The following PTPRD variants were observed in gnomAD, a reference collection of about 807,000 sequenced individuals.
PTPRD encodes the protein protein tyrosine phosphatase receptor type D, also known as receptor-type tyrosine-protein phosphatase delta.
A neutral mutation model predicts 214.5 loss-of-function variants in PTPRD; 34 were observed. The observed-to-expected ratio is 0.16, with a 90% CI of 0.12 to 0.21. The LOEUF (loss-of-function observed/expected upper bound fraction) is 0.21. Among genes scored for constraint, PTPRD ranks in the 10% least tolerant of loss-of-function variants. The pLI, the probability that PTPRD is intolerant of heterozygous loss-of-function variation, is 1.00. For synonymous variants in PTPRD, 1,128 were observed against 845.7 expected (o/e 1.33, Z -5.79); for missense variants, 2,545 against 2,398.7 (o/e 1.06, Z -1.27).
chr9:8,930,526 G>C (rs574712037), intron 11 of PTPRD, among the ~76,000 whole-genome samples: 1 of 152,064 alleles, frequency 6.6e-6, no homozygotes, highest in Non-Finnish European at 1.5e-5. Flanking sequence ...AGATCCCGGA[G>C]GAATCGCCAC....
intron 11 of PTPRD, among the ~76,000 whole-genome samples, chr9:8,911,934 C>T (rs2154261750): frequency 6.6e-6 from 1 of 152,070 alleles, no homozygotes; most frequent in Non-Finnish European, 1.5e-5. Flanking sequence ...TAGATAAATG[C>T]CCATTAAAAC....
intron 8 of PTPRD, among the ~76,000 whole-genome samples, chr9:9,468,962 G>T (rs995345399): frequency 6.6e-6 from 1 of 151,924 alleles, no homozygotes; most frequent in Non-Finnish European, 1.5e-5. Context: ...AATCTCACAG[G>T]GAAACTGTAC....
intron 3 of PTPRD, among the ~76,000 whole-genome samples, chr9:10,303,341 A>C (rs1374168227): frequency 6.6e-6 from 1 of 152,212 alleles, no homozygotes; most frequent in Non-Finnish European, 1.5e-5. Context: ...TAACATCACA[A>C]TTAAAAGAAC....
rs33977592 is a variant in PTPRD, at chr9:10,384,074, C to CAAAA, written c.-599-43061_-599-43058dup. On this transcript the variant is annotated intron_variant, in intron 2 of 45. Coordinates refer to ENST00000381196, the MANE Select transcript of PTPRD (RefSeq NM_002839.4). ...AGGAGGTGGGGATGGTTAATGGGTA[C>CAAAA]AAAAAAAAAAAAAAATAGAAAAAGA... 9.6e-3 allele frequency among the ~76,000 whole-genome samples: 1,005 copies of CAAAA among 104,670 alleles called. 11 individuals carry two copies. The highest frequency in any genetic ancestry group is 0.027 in the African/African-American group (834 of 31,270). 68.7% of individuals were successfully genotyped at this position (104,670 alleles called of 152,430 possible).
intron 2 of PTPRD, among the ~76,000 whole-genome samples, chr9:10,397,735 A>G (rs752508691): frequency 9.9e-5 from 15 of 152,016 alleles, no homozygotes; most frequent in Non-Finnish European, 2.2e-4. Context: ...ATAGGCTTCT[A>G]GAGTGAAACC....
At chr9:10,385,901 AT>A (rs773293754) in intron 2 of PTPRD, among the ~76,000 whole-genome samples, 1 of 151,834 alleles carries the variant, frequency 6.6e-6, no homozygotes, top group Non-Finnish European at 1.5e-5. Flanking sequence ...AGATAATTAT[AT>A]TTTTTACACA....
At chr9:10,416,529 G>C (rs1469023737) in intron 2 of PTPRD, among the ~76,000 whole-genome samples, 1 of 151,840 alleles carries the variant, frequency 6.6e-6, no homozygotes, top group Non-Finnish European at 1.5e-5. Flanking sequence ...GGAAAATAAA[G>C]CATGTGTTAC....
chr9:8,644,361 A>G lies in PTPRD; in HGVS notation c.65-7517T>C, dbSNP rs551399229. On this transcript the variant is annotated intron_variant, in intron 12 of 45. Transcript: ENST00000381196. ...TCTCCTCTGAGCTTTCCTATTGCTC[A>G]ATAAAGCTCTTCTTCGTCTTGCTCA... 2.0e-5 allele frequency among the ~76,000 whole-genome samples: 3 copies of G among 152,294 alleles called. No homozygotes were observed. In the South Asian group the frequency reaches 6.2e-4, roughly 32 times the overall value.
chr9:9,061,751 G>C (rs1342566085), intron 10 of PTPRD, among the ~76,000 whole-genome samples: 4 of 152,032 alleles, frequency 2.6e-5, no homozygotes, highest in Non-Finnish European at 5.9e-5. Flanking sequence ...CCTACCGAGG[G>C]CCTTGGGACC....
chr9:9,770,819 T>G (rs1314299029), intron 5 of PTPRD, among the ~76,000 whole-genome samples: 2 of 152,134 alleles, frequency 1.3e-5, no homozygotes, highest in Non-Finnish European at 2.9e-5. Context: ...AGAAGTATAT[T>G]GATGAAATGA....
chr9:8,673,886 G>C (rs991515441), intron 12 of PTPRD, among the ~76,000 whole-genome samples: 7 of 152,050 alleles, frequency 4.6e-5, no homozygotes, highest in Non-Finnish European at 8.8e-5. Flanking sequence ...AGGATGTTCA[G>C]CAGCACCCCT....
At chr9:8,917,329 C>A (rs557531727) in intron 11 of PTPRD, among the ~76,000 whole-genome samples, 1 of 150,068 alleles carries the variant, frequency 6.7e-6, no homozygotes, top group Non-Finnish European at 1.5e-5. Context: ...GTTGAGACAG[C>A]GTTTCACCAT....
chr9:8,328,194 C>G (rs1835950431), intron 44 of PTPRD, among the ~76,000 whole-genome samples: 1 of 152,138 alleles, frequency 6.6e-6, no homozygotes, highest in African/African-American at 2.4e-5. Context: ...CCTTCAGGAG[C>G]TCTTGTAAGG....
intron 5 of PTPRD, among the ~76,000 whole-genome samples, chr9:9,821,219 G>T (rs2050610831): frequency 6.6e-6 from 1 of 152,112 alleles, no homozygotes; most frequent in African/African-American, 2.4e-5. Context: ...CAACTTGAAG[G>T]TTATTAGTGT....
intron 3 of PTPRD, among the ~76,000 whole-genome samples, chr9:10,196,114 T>C (rs1312150015): frequency 1.3e-5 from 2 of 152,194 alleles, no homozygotes; most frequent in Admixed American, 1.3e-4. Flanking sequence ...TATGAGACTA[T>C]ATACACTTAT....
chr9:9,968,635 T>C (rs2094876869), intron 4 of PTPRD, among the ~76,000 whole-genome samples: 1 of 152,112 alleles, frequency 6.6e-6, no homozygotes, highest in Admixed American at 6.5e-5. Flanking sequence ...GTAGGCTTCC[T>C]GATCAAGTTG....
Position 9,282,476 on chromosome 9 carries a change from T to C in PTPRD, c.-202-99113A>G, listed in dbSNP as rs564914036. On this transcript the variant is annotated intron_variant, in intron 9 of 45. Transcript: ENST00000381196. ...ATTCTATTGGATGCTAAATCTTGAA[T>C]ATTAGGAAAAATTCAGATGGTTTTA... is the stretch of plus-strand genomic sequence containing the variant. 4.1e-4 allele frequency among the ~76,000 whole-genome samples: 62 copies of C among 151,550 alleles called. 1 individual carries two copies. The South Asian group carries it at 0.012, about 29-fold the overall frequency.
intron 10 of PTPRD, among the ~76,000 whole-genome samples, chr9:9,158,917 A>G (rs113949614): frequency 1.3e-5 from 2 of 152,240 alleles, no homozygotes; most frequent in Non-Finnish European, 2.9e-5. Flanking sequence ...ATGCAAATCA[A>G]TAAATCTGAT....
chr9:10,163,129 T>G (rs2099139281), intron 3 of PTPRD, among the ~76,000 whole-genome samples: 2 of 148,498 alleles, frequency 1.3e-5, no homozygotes, highest in Admixed American at 1.3e-4. Context: ...TAAATAACCC[T>G]TATTCTACTG....
Sources: gnomAD v4.1 joint callset for allele counts (sites outside exome capture counted in the v4.1 genomes callset) on GRCh38, gnomAD v4.1.1 for gene constraint, MANE v1.5 for transcripts, NCBI Gene and HGNC (gene_info 2026-07-23, HGNC 2026-07-21) for gene names.